The following ITGA11 variants were observed in gnomAD, a reference collection of about 807,000 sequenced individuals.
ITGA11 encodes the protein integrin alpha-11.
ITGA11 carries 97 observed loss-of-function variants against 141.9 expected under a neutral mutation model. That is an observed-to-expected ratio of 0.68 (90% CI 0.58 to 0.81). The LOEUF (loss-of-function observed/expected upper bound fraction) is 0.81. Among genes scored for constraint, ITGA11 ranks in the 30% least tolerant of loss-of-function variants. The probability of loss-of-function intolerance (pLI) is 0.00; values close to 1 mark genes in which losing one functional copy is unlikely to be tolerated. For missense variants in ITGA11, 1,387 were observed against 1,559.2 expected, an observed-to-expected ratio of 0.89 and a Z score of 1.86; for synonymous variants, 658 against 624.6, an observed-to-expected ratio of 1.05 and a Z score of -0.80.
At chr15:68,373,034 T>C (rs1895635631) in intron 2 of ITGA11, among the ~76,000 whole-genome samples, 1 of 152,204 alleles carries the variant, frequency 6.6e-6, no homozygotes, top group Non-Finnish European at 1.5e-5. Flanking sequence ...TAAACCTAAA[T>C]AGAACTCACA....
intron 2 of ITGA11, among the ~76,000 whole-genome samples, chr15:68,389,742 G>A (rs963420224): frequency 6.6e-6 from 1 of 152,118 alleles, no homozygotes; most frequent in Non-Finnish European, 1.5e-5. Flanking sequence ...GCTCCCTGGC[G>A]CCCTCATGGA....
chr15:68,410,752 G>C (rs1307427700), intron 1 of ITGA11, among the ~76,000 whole-genome samples: 2 of 152,150 alleles, frequency 1.3e-5, no homozygotes, highest in African/African-American at 4.8e-5. Context: ...GAGGCCCAAG[G>C]ACCCTAGTCT....
At chr15:68,362,589 T>C (rs934396522) in intron 4 of ITGA11, among the ~76,000 whole-genome samples, 5 of 151,754 alleles carry the variant, frequency 3.3e-5, no homozygotes, top group Non-Finnish European at 7.4e-5. Context: ...GATAAGTGGG[T>C]GGTAGATGGA....
chr15:68,365,547 G>GTGTGTGTGTGTGT (rs1895392213), intron 3 of ITGA11: 1 of 149,430 alleles, frequency 6.7e-6, no homozygotes, highest in African/African-American at 2.5e-5. Context: ...AGTGTGTTGG[G>GTGTGTGTGTGTGT]GTGTGTGTGT....
intron 2 of ITGA11, among the ~76,000 whole-genome samples, chr15:68,399,138 C>A (rs1232841020): frequency 1.3e-5 from 2 of 151,406 alleles, no homozygotes; most frequent in African/African-American, 2.4e-5. Context: ...CAAAGAAAAA[C>A]AACCCCATTA....
intron 14 of ITGA11, 149 bp downstream of exon 14, chr15:68,331,710 T>A (rs1894162099): frequency 1.4e-6 from 1 of 704,996 alleles, no homozygotes; most frequent in Admixed American, 2.8e-5. Context: ...AATTTCCACT[T>A]GGGGAAGCAT....
At chr15:68,316,480 G>T (rs925145027) in intron 21 of ITGA11, among the ~76,000 whole-genome samples, 6 of 152,180 alleles carry the variant, frequency 3.9e-5, no homozygotes, top group African/African-American at 1.4e-4. Flanking sequence ...GCGTGGGTGG[G>T]GAAGCCTGGG....
chr15:68,331,614 T>C (rs1894158935), intron 14 of ITGA11, among the ~76,000 whole-genome samples: 1 of 150,600 alleles, frequency 6.6e-6, no homozygotes. Flanking sequence ...TTGTTGTTTG[T>C]TGTTGGGGGA....
chr15:68,365,081 T>A, intron 3 of ITGA11: 1 of 933,200 alleles, frequency 1.1e-6, no homozygotes. Context: ...CAGCTTTTCC[T>A]CCTCCAGCCA....
intron 5 of ITGA11, among the ~76,000 whole-genome samples, chr15:68,359,891 T>C (rs913523230): frequency 2.6e-5 from 4 of 152,258 alleles, no homozygotes; most frequent in East Asian, 3.8e-4. Flanking sequence ...TAAAATCTAC[T>C]TTATAACAAT....
At chr15:68,342,958 C>T (rs1335924301) in intron 10 of ITGA11, among the ~76,000 whole-genome samples, 2 of 151,666 alleles carry the variant, frequency 1.3e-5, no homozygotes, top group Admixed American at 1.3e-4. Context: ...GTTCCACTTC[C>T]AGCTCAGAGC....
rs1261618463 is a variant in ITGA11, at chr15:68,324,584, T to C, written c.2322+547A>G. 1.3e-5 allele frequency among the ~76,000 whole-genome samples: 2 copies of C among 152,126 alleles called. No homozygotes were observed. Among genetic ancestry groups the C allele is most frequent in the Non-Finnish European group, 2.9e-5 (2 of 68,038 alleles). On this transcript the variant is annotated intron_variant, in intron 18 of 29. Transcript: ENST00000315757. This position sits in a 1 kb window ranked among gnomAD's most constrained non-coding sequence, Gnocchi z 6.3. Reference sequence around the variant, plus strand: ...GCATTTGAATGTTAGATGTCAAACATTTTGGATGCCCCAGAGCCAGGGATT... The same window carrying C: ...GCATTTGAATGTTAGATGTCAAACACTTTGGATGCCCCAGAGCCAGGGATT...
intron 22 of ITGA11, 42 bp from the exon 23 acceptor site, chr15:68,313,910 C>T (rs1330458696): frequency 6.0e-6 from 9 of 1,509,538 alleles, no homozygotes; most frequent in Non-Finnish European, 7.4e-6. Context: ...AGGGGCTCAG[C>T]CAGCACAGGC....
chr15:68,347,505 A>G (rs1894776710), intron 10 of ITGA11, among the ~76,000 whole-genome samples: 1 of 152,192 alleles, frequency 6.6e-6, no homozygotes, highest in Admixed American at 6.5e-5. Context: ...TATTCAAGAC[A>G]GTGGGCATGA....
In ITGA11 at chr15:68,335,281, C is replaced by T. The variant is rs1394235475; in HGVS notation, c.1425+416G>A. On this transcript the variant is annotated intron_variant, in intron 12 of 29. Transcript: ENST00000315757. This position sits in a 1 kb window ranked among gnomAD's most constrained non-coding sequence, Gnocchi z 4.9. Reference sequence around the variant, plus strand: ...AACCCTGGGAAAGCCACCTTGCTTCCCAGGAGCCCAGTTTTCCCCTGTGCT... The same window carrying T: ...AACCCTGGGAAAGCCACCTTGCTTCTCAGGAGCCCAGTTTTCCCCTGTGCT... 7.9e-5 allele frequency among the ~76,000 whole-genome samples: 12 copies of T among 152,134 alleles called. No homozygotes were observed. The highest frequency in any genetic ancestry group is 2.9e-5 in the Non-Finnish European group (2 of 68,020).
Position 68,417,051 on chromosome 15 carries a change from G to A in ITGA11, c.53-14022C>T, listed in dbSNP as rs182570972. The stretch of plus-strand genomic sequence containing the variant: ...CTCTTTTTTTTTGAGACAGAGTCTT[G>A]CTCTGTCTGAGCGAGTGTGTGGGAC... On this transcript the variant is annotated intron_variant, in intron 1 of 29. Transcript: ENST00000315757. Among the ~76,000 whole-genome samples, 353 of 151,972 alleles carry A rather than the reference G, an allele frequency of 2.3e-3. 1 individual carries two copies. Among genetic ancestry groups the A allele is most frequent in the African/African-American group, 8.0e-3 (333 of 41,452 alleles).
chr15:68,302,886 C>T lies in ITGA11; in HGVS notation c.*173G>A, dbSNP rs937975265. On this transcript the variant is annotated 3_prime_UTR_variant, in exon 30 of 30. Transcript: ENST00000315757. ...CCCAGTAGGGCAGTTCCACTTAAAA[C>T]CAGCTTGAGTTCCATTCTGGAGGGA... 1 of 594,696 alleles carries T rather than the reference C, an allele frequency of 1.7e-6. No individual in the cohort carries two copies. The highest frequency in any genetic ancestry group is 3.0e-5 in the Admixed American group (1 of 32,964). 36.8% of individuals were successfully genotyped at this position (594,696 alleles called of 1,614,324 possible).
chr15:68,425,670 T>G (rs1462587454), intron 1 of ITGA11, among the ~76,000 whole-genome samples: 1 of 152,144 alleles, frequency 6.6e-6, no homozygotes, highest in Non-Finnish European at 1.5e-5. Flanking sequence ...ACATTGGGAG[T>G]GCTCTTTGCA....
At chr15:68,365,899 G>A (rs371036059) in intron 3 of ITGA11, among the ~76,000 whole-genome samples, 3 of 152,016 alleles carry the variant, frequency 2.0e-5, no homozygotes, top group Non-Finnish European at 2.9e-5. Flanking sequence ...GCACTGTGTC[G>A]GTGACTGGAA....
Sources: allele counts gnomAD v4.1 joint callset (sites outside exome capture counted in the v4.1 genomes callset), GRCh38; gene constraint gnomAD v4.1.1; non-coding constraint Gnocchi (gnomAD v3.1); transcripts MANE v1.5; gene names NCBI Gene and HGNC (gene_info 2026-07-23, HGNC 2026-07-21).